RUNX3: variants seen among roughly 807,000 people sequenced by gnomAD.
RUNX3 encodes the protein RUNX family transcription factor 3.
A neutral mutation model predicts 27.7 loss-of-function variants in RUNX3; 10 were observed. That is an observed-to-expected ratio of 0.36 (90% CI 0.22 to 0.61). The LOEUF is 0.61. RUNX3 is among the 20% of genes least tolerant of loss of function. The pLI is 0.72. For synonymous variants in RUNX3, 270 were observed against 269.2 expected (o/e 1.00, Z -0.03); for missense variants, 469 against 629.5 (o/e 0.75, Z 2.73).
intron 2 of RUNX3, chr1:24,919,545 G>C (rs193191215): frequency 4.2e-6 from 2 of 481,530 alleles, no homozygotes; most frequent in South Asian, 5.0e-5. Context: ...GGGGTCTGAC[G>C]CCAACTTTGT....
intron 3 of RUNX3, among the ~76,000 whole-genome samples, chr1:24,909,730 C>A (rs1486129487): frequency 1.3e-5 from 2 of 152,214 alleles, no homozygotes; most frequent in African/African-American, 2.4e-5. Context: ...GTTCGCACCC[C>A]CTAGTGGCTG....
intron 2 of RUNX3, among the ~76,000 whole-genome samples, chr1:24,953,504 T>C (rs1641831665): frequency 7.1e-6 from 1 of 141,296 alleles, no homozygotes; most frequent in Non-Finnish European, 1.5e-5. Flanking sequence ...TAAAATGAAA[T>C]AAGATAAAAA....
intron 2 of RUNX3, among the ~76,000 whole-genome samples, chr1:24,939,875 G>A (rs1388059034): frequency 6.6e-6 from 1 of 152,216 alleles, no homozygotes; most frequent in East Asian, 1.9e-4. Flanking sequence ...CTAGCCTAGG[G>A]GCCCAGAGAC....
intron 2 of RUNX3, among the ~76,000 whole-genome samples, chr1:24,964,302 C>G (rs574071677): frequency 5.8e-4 from 88 of 152,354 alleles, no homozygotes; most frequent in African/African-American, 2.0e-3. Context: ...CTTACTGTCC[C>G]CACCAGCGGA....
At chr1:24,931,980 C>T (rs1260274455), upstream of RUNX3, among the ~76,000 whole-genome samples, 1 of 152,252 alleles carries the variant, frequency 6.6e-6, no homozygotes, top group Admixed American at 6.5e-5. Flanking sequence ...CCTGGGCGCT[C>T]CCACCTCCGG....
chr1:24,929,678 C>T lies in RUNX3; in HGVS notation c.191G>A (p.Gly64Asp). The T allele has an allele frequency of 1.3e-6, 2 of 1,587,794 alleles. No individual in the cohort carries two copies. The highest frequency in any genetic ancestry group is 1.7e-6 in the Non-Finnish European group (2 of 1,172,736). Residue 64 changes from glycine (G) to aspartate (D), a missense_variant, in exon 1 of 5, where the codon GGC becomes GAC. Around this residue, in one of 3 missense-constraint regions of RUNX3, gnomAD observed 115 missense variants for 118.0 expected, o/e 0.97. Coordinates refer to ENST00000308873, the MANE Select transcript of RUNX3 (RefSeq NM_004350.3). ...SMVDVLADHA[G>D]ELVRTDSPNF... ...GGGGCTGTCGGTGCGCACGAGCTCG[C>T]CTGCGTGGTCCGCCAGCACGTCCAC... is the stretch of plus-strand genomic sequence containing the variant.
rs1290942526 is a variant in RUNX3 at position 24,956,085 on chromosome 1, CT to C, written c.58+8428del. On this transcript the variant is annotated intron_variant, in intron 2 of 6. Coordinates refer to the RUNX3 transcript ENST00000338888. ...CTGCGCAGCCCGGGGCAGACCCTTG[CT>C]CCACAGCCCGACAGGGCAGAGCCAA... Among the ~76,000 whole-genome samples, 5 of 152,364 alleles carry C rather than the reference CT, an allele frequency of 3.3e-5. No individual in the cohort carries two copies. The East Asian group carries it at 9.7e-4, about 29-fold the overall frequency.
chr1:24,961,186 A>G (rs941747811), intron 2 of RUNX3, among the ~76,000 whole-genome samples: 1 of 152,048 alleles, frequency 6.6e-6, no homozygotes, highest in Non-Finnish European at 1.5e-5. Flanking sequence ...GAGCCGTGGG[A>G]ATGTCATGCA....
intron 1 of RUNX3, 57 bp downstream of exon 1, chr1:24,929,530 G>T (rs781252426): frequency 1.3e-6 from 2 of 1,505,850 alleles, no homozygotes; most frequent in Non-Finnish European, 1.8e-6. Flanking sequence ...GGCTCCCGCA[G>T]CTCAGACGCC....
At chr1:24,912,241 C>T (rs531552537) in intron 3 of RUNX3, among the ~76,000 whole-genome samples, 1 of 152,150 alleles carries the variant, frequency 6.6e-6, no homozygotes, top group Non-Finnish European at 1.5e-5. Flanking sequence ...CACTGAGGCC[C>T]CTTCCTTTTG....
intron 2 of RUNX3, among the ~76,000 whole-genome samples, chr1:24,963,954 C>T (rs948945843): frequency 5.3e-5 from 8 of 152,368 alleles, no homozygotes; most frequent in African/African-American, 1.9e-4. Flanking sequence ...CTGCCCCGTG[C>T]AGGTCCAGCT....
rs987246638 is a variant in RUNX3 at position 24,930,089 on chromosome 1, G to C, written c.-221C>G. On this transcript the variant is annotated 5_prime_UTR_variant, in exon 1 of 5. Transcript: ENST00000308873. The surrounding 1 kb of genome is among the most constrained non-coding windows in gnomAD (Gnocchi z 4.1). ...CCGACGGCCGCCCGCAGCCTGCCCG[G>C]CTAGTCCCGCATCCTCGGCGCGCGG... 6.8e-5 allele frequency: 67 copies of C among 979,908 alleles called. No individual in the cohort carries two copies. The African/African-American group carries it at 1.1e-3, about 16-fold the overall frequency. 60.7% of individuals were successfully genotyped at this position (979,908 alleles called of 1,614,324 possible).
At chr1:24,919,028 C>T (rs186659121) in intron 3 of RUNX3, among the ~76,000 whole-genome samples, 1 of 152,372 alleles carries the variant, frequency 6.6e-6, no homozygotes, top group Non-Finnish European at 1.5e-5. Flanking sequence ...GGACAGTCAT[C>T]TCCACTCCCA....
At chr1:24,915,854 T>C (rs1640879949) in intron 3 of RUNX3, among the ~76,000 whole-genome samples, 1 of 152,080 alleles carries the variant, frequency 6.6e-6, no homozygotes, top group Non-Finnish European at 1.5e-5. Flanking sequence ...ACTTGCCAGG[T>C]GTCACCGCCC....
intron 2 of RUNX3, among the ~76,000 whole-genome samples, chr1:24,944,845 T>C (rs1466375773): frequency 6.6e-6 from 1 of 152,200 alleles, no homozygotes; most frequent in Non-Finnish European, 1.5e-5. Flanking sequence ...GCCCTGACCT[T>C]GATCTTGGCC....
At chr1:24,919,444 A>T in intron 2 of RUNX3, 100 bp from the exon 3 acceptor site, 2 of 722,002 alleles carry the variant, frequency 2.8e-6, no homozygotes, top group Non-Finnish European at 4.8e-6. Context: ...CCTAACTGTC[A>T]AGAAGGGGCA....
chr1:24,934,591 G>T (rs1459800470), upstream of RUNX3, among the ~76,000 whole-genome samples: 1 of 152,204 alleles, frequency 6.6e-6, no homozygotes, highest in Non-Finnish European at 1.5e-5. Flanking sequence ...CCGCACATGG[G>T]CATTGCTCAT....
rs565001691 is a variant in RUNX3 at position 24,923,823 on chromosome 1, G to A, written c.439+3751C>T. 6.6e-6 allele frequency among the ~76,000 whole-genome samples: 1 copy of A among 152,226 alleles called. No homozygotes were observed. Among genetic ancestry groups the A allele is most frequent in the South Asian group, 2.1e-4 (1 of 4,820 alleles). On this transcript the variant is annotated intron_variant, in intron 2 of 4. Transcript: ENST00000308873. The surrounding 1 kb of genome is among the most constrained non-coding windows in gnomAD (Gnocchi z 5.9). ...GCACACTGCACCCCGAATCTCTGTC[G>A]ACACACAGTTGCTTTTTAACCAGTT...
At chr1:24,926,777 C>T (rs1641107553) in intron 2 of RUNX3, among the ~76,000 whole-genome samples, 1 of 152,200 alleles carries the variant, frequency 6.6e-6, no homozygotes, top group African/African-American at 2.4e-5. Context: ...GCGACTCCCA[C>T]TTCAGCCACT....
Sources: gnomAD v4.1 joint callset for allele counts (sites outside exome capture counted in the v4.1 genomes callset) on GRCh38, gnomAD v4.1.1 for gene constraint, gnomAD v4.1.1 regional missense constraint, Gnocchi (gnomAD v3.1) non-coding constraint, MANE v1.5 for transcripts, NCBI Gene and HGNC (gene_info 2026-07-23, HGNC 2026-07-21) for gene names.